Variants in SCML2 observed in about 807,000 individuals in gnomAD.
SCML2 encodes sex comb on midleg-like protein 2.
Under a neutral mutation model 48.4 loss-of-function variants are expected in SCML2, and 6 were observed. That is an observed-to-expected ratio of 0.12 (90% CI 0.07 to 0.24). The LOEUF is 0.24. Among genes scored for constraint, SCML2 ranks in the 10% least tolerant of loss-of-function variants. The probability of loss-of-function intolerance (pLI) is 1.00; values close to 1 mark genes in which losing one functional copy is unlikely to be tolerated. For synonymous variants in SCML2, 181 were observed against 189.5 expected (o/e 0.95, Z 0.37); for missense variants, 377 against 528.2 (o/e 0.71, Z 2.81).
chrX:18,242,687 C>A, intron 13 of SCML2, 97 bp from the exon 14 acceptor site: 1 of 939,179 alleles, frequency 1.1e-6, no homozygotes, highest in African/African-American at 2.0e-5. Flanking sequence ...ATTCCTGGAA[C>A]CTTTTGTTAA....
At chrX:18,344,703 G>A in intron 1 of SCML2, among the ~76,000 whole-genome samples, 1 of 111,650 alleles carries the variant, frequency 9.0e-6, no homozygotes, top group Non-Finnish European at 1.9e-5. Context: ...CCATGATTGT[G>A]AGGCCTCCCT....
At chrX:18,280,595 C>T (rs1014894149) in intron 7 of SCML2, among the ~76,000 whole-genome samples, 1 of 111,649 alleles carries the variant, frequency 9.0e-6, no homozygotes, top group African/African-American at 3.3e-5. Context: ...CAAGACCTAA[C>T]CATCTGTTGT....
At chrX:18,246,555 G>C in intron 13 of SCML2, 22 bp downstream of exon 13, 1 of 1,178,545 alleles carries the variant, frequency 8.5e-7, no homozygotes. Context: ...AACACATTGA[G>C]AGTCACTATT....
intron 7 of SCML2, among the ~76,000 whole-genome samples, chrX:18,291,158 A>G (rs1179053640): frequency 8.9e-6 from 1 of 112,019 alleles, no homozygotes; most frequent in Admixed American, 9.5e-5. Flanking sequence ...GTTGCCAAGG[A>G]CACAGCAGCA....
chrX:18,299,232 G>A (rs1277192619), intron 7 of SCML2, among the ~76,000 whole-genome samples: 1 of 110,357 alleles, frequency 9.1e-6, no homozygotes, highest in East Asian at 2.9e-4. Context: ...TGGACAAAGG[G>A]GCTGGGCAAG....
intron 7 of SCML2, among the ~76,000 whole-genome samples, chrX:18,293,067 G>T (rs962656296): frequency 2.7e-5 from 3 of 111,525 alleles, no homozygotes; most frequent in Non-Finnish European, 3.8e-5. Context: ...GCTTGCGATA[G>T]TTGTATCCAA....
chrX:18,257,102 C>T, intron 10 of SCML2, 72 bp from the exon 11 acceptor site: 1 of 662,179 alleles, frequency 1.5e-6, no homozygotes, highest in Non-Finnish European at 2.2e-6. Flanking sequence ...AAAAAAAAAA[C>T]TATCACCTTA....
At chrX:18,331,183 C>G (rs1034573558) in intron 2 of SCML2, among the ~76,000 whole-genome samples, 8 of 97,613 alleles carry the variant, frequency 8.2e-5, no homozygotes, top group Non-Finnish European at 1.6e-4. Flanking sequence ...TCACTTGAAC[C>G]CGGGAGGCAG....
At position 18,251,117 on chromosome X, in the gene SCML2, G is replaced by A. The variant is rs1237959712; in HGVS notation, c.1457-3235C>T. On this transcript the variant is annotated intron_variant, in intron 11 of 14. Transcript: ENST00000251900. ...TAATTCAAGATGAGATTTGGGTGGG[G>A]ACACAGCCAAACCATGCCACCTCAT... 2.8e-5 allele frequency among the ~76,000 whole-genome samples: 3 copies of A among 108,358 alleles called. No individual in the cohort carries two copies. In the East Asian group the frequency reaches 8.7e-4, roughly 31 times the overall value. 94.1% of individuals were successfully genotyped at this position (108,358 alleles called of 115,157 possible). A position where few individuals can be genotyped will look rare whatever the true frequency, so the allele number is the denominator to read the frequency against.
chrX:18,290,696 GTATT>G (rs1475116870), intron 7 of SCML2, among the ~76,000 whole-genome samples: 9 of 111,164 alleles, frequency 8.1e-5, no homozygotes, highest in African/African-American at 2.0e-4. Context: ...CTAATAATTT[GTATT>G]TATTTATTAT....
At chrX:18,339,284 C>G (rs1929937479) in intron 1 of SCML2, among the ~76,000 whole-genome samples, 1 of 112,260 alleles carries the variant, frequency 8.9e-6, no homozygotes, top group Non-Finnish European at 1.9e-5. Context: ...CTGTCATCTA[C>G]TAATCAGCAT....
In SCML2 at chrX:18,248,026, T is replaced by C. The variant is rs1926514086; in HGVS notation, c.1457-144A>G. On this transcript the variant is annotated intron_variant, in intron 11 of 14. Transcript: ENST00000251900. ...GAACTTCTCAATTATTTGATGTTCATGAATAACATGTGTCTATTTCATCCT... is the reference window on the plus strand; with the variant it reads ...GAACTTCTCAATTATTTGATGTTCACGAATAACATGTGTCTATTTCATCCT... The C allele has an allele frequency of 1.2e-5, 5 of 434,605 alleles. No homozygotes were observed. In the East Asian group the frequency reaches 1.9e-4, roughly 16 times the overall value. The allele number at this position is 434,605 out of a possible 1,213,427, so 35.8% of individuals were successfully genotyped here. A position where few individuals can be genotyped will look rare whatever the true frequency, so the allele number is the denominator to read the frequency against.
intron 1 of SCML2, among the ~76,000 whole-genome samples, chrX:18,350,820 A>G (rs1184955088): frequency 9.0e-6 from 1 of 111,637 alleles, no homozygotes. Context: ...AAATGTACTT[A>G]CCACTAAATT....
intron 7 of SCML2, among the ~76,000 whole-genome samples, chrX:18,295,686 T>C (rs1928373165): frequency 1.0e-5 from 1 of 97,526 alleles, no homozygotes; most frequent in South Asian, 5.3e-4. Flanking sequence ...ATGACACCGG[T>C]GTCCATATAC....
rs948310092 is a variant in SCML2, at chrX:18,354,655, C to T, written c.-88G>A. The T allele has an allele frequency of 1.0e-5, 3 of 286,684 alleles. No homozygotes were observed. The highest frequency in any genetic ancestry group is 8.3e-5 in the African/African-American group (3 of 36,051). 23.6% of individuals were successfully genotyped at this position (286,684 alleles called of 1,213,427 possible). A position where few individuals can be genotyped will look rare whatever the true frequency, so the allele number is the denominator to read the frequency against. The stretch of plus-strand genomic sequence containing the variant: ...ACCGATCGCGCGAGCCGGCACCGAG[C>T]TTCACACCGCCGCCGCCATGTTTGA... On this transcript the variant is annotated 5_prime_UTR_variant, in exon 1 of 15. Transcript: ENST00000251900.
chrX:18,260,057 T>A (rs1192036834), intron 9 of SCML2, 114 bp downstream of exon 9: 5 of 484,937 alleles, frequency 1.0e-5, no homozygotes, highest in Middle Eastern at 6.9e-4. Context: ...AGATAAATGT[T>A]TAATATTACC....
chrX:18,336,856 A>G lies in SCML2; in HGVS notation c.-24-2761T>C, dbSNP rs192372034. 3.7e-3 allele frequency among the ~76,000 whole-genome samples: 417 copies of G among 112,030 alleles called. 3 individuals carry two copies. The highest frequency in any genetic ancestry group is 0.013 in the African/African-American group (397 of 30,896). On this transcript the variant is annotated intron_variant, in intron 1 of 14. Coordinates refer to ENST00000251900, the MANE Select transcript of SCML2 (RefSeq NM_006089.3). ...AGGGCAACCGCTAAAAAAAAGTGGG[A>G]AAAAAAAGAATAATATGCTTACAAA...
intron 1 of SCML2, among the ~76,000 whole-genome samples, chrX:18,341,775 T>C (rs762454656): frequency 1.8e-5 from 2 of 111,662 alleles, no homozygotes; most frequent in Non-Finnish European, 3.8e-5. Context: ...TAAAAGAATA[T>C]TGACTAATTT....
intron 7 of SCML2, among the ~76,000 whole-genome samples, chrX:18,287,656 C>T (rs1439539322): frequency 7.2e-5 from 8 of 111,592 alleles, no homozygotes; most frequent in Non-Finnish European, 3.8e-5. Context: ...GGCATATATG[C>T]TAAATTAAAA....
Sources: allele counts gnomAD v4.1 joint callset (sites outside exome capture counted in the v4.1 genomes callset), GRCh38; gene constraint gnomAD v4.1.1; transcripts MANE v1.5; gene names NCBI Gene and HGNC (gene_info 2026-07-23, HGNC 2026-07-21).